Variants in ANTXR1 observed in about 807,000 individuals in gnomAD.
ANTXR1 encodes the protein ANTXR cell adhesion molecule 1.
A neutral mutation model predicts 78.1 loss-of-function variants in ANTXR1; 19 were observed. That is an observed-to-expected ratio of 0.24 (90% CI 0.17 to 0.36). The LOEUF is 0.36. ANTXR1 is among the 10% of genes least tolerant of loss of function. The pLI, the probability that ANTXR1 is intolerant of heterozygous loss-of-function variation, is 1.00. For synonymous variants in ANTXR1, 273 were observed against 260.5 expected, an observed-to-expected ratio of 1.05 and a Z score of -0.46; for missense variants, 518 against 718.6, an observed-to-expected ratio of 0.72 and a Z score of 3.19.
intron 3 of ANTXR1, among the ~76,000 whole-genome samples, chr2:69,055,581 C>G (rs929881309): frequency 5.3e-5 from 8 of 152,116 alleles, no homozygotes; most frequent in African/African-American, 1.9e-4. Context: ...AATTGTACCC[C>G]CTGAGGCCTC....
chr2:69,218,554 G>C (rs190682820), intron 17 of ANTXR1, among the ~76,000 whole-genome samples: 3 of 152,186 alleles, frequency 2.0e-5, no homozygotes, highest in Admixed American at 2.0e-4. Context: ...TAGGTTAAGA[G>C]CAGAGAGCTG....
chr2:69,221,446 G>A lies in ANTXR1; in HGVS notation c.1435-23779G>A, dbSNP rs534993372. Among the ~76,000 whole-genome samples, 4 of 152,228 alleles carry A rather than the reference G, an allele frequency of 2.6e-5. No homozygotes were observed. The East Asian group carries it at 7.7e-4, about 29-fold the overall frequency. Reference sequence around the variant, plus strand: ...AGCTTTCATTTGAGTGAGAGTAAAAGGGGATCTAAGAATAAAGTAAAAATA... The same window carrying A: ...AGCTTTCATTTGAGTGAGAGTAAAAAGGGATCTAAGAATAAAGTAAAAATA... On this transcript the variant is annotated intron_variant, in intron 17 of 17. Transcript: ENST00000303714.
At chr2:69,120,683 A>G (rs562801042) in intron 10 of ANTXR1, among the ~76,000 whole-genome samples, 1 of 152,166 alleles carries the variant, frequency 6.6e-6, no homozygotes, top group South Asian at 2.1e-4. Flanking sequence ...AGATAATAAT[A>G]ATAATAATAA....
At chr2:69,020,978 T>A (rs917578688) in intron 1 of ANTXR1, among the ~76,000 whole-genome samples, 4 of 152,198 alleles carry the variant, frequency 2.6e-5, no homozygotes, top group African/African-American at 4.8e-5. Flanking sequence ...TCCCAGGCTG[T>A]CAGGTTTTTA....
chr2:69,135,506 A>G (rs879544884), intron 12 of ANTXR1, among the ~76,000 whole-genome samples: 2 of 152,174 alleles, frequency 1.3e-5, no homozygotes, highest in African/African-American at 2.4e-5. Flanking sequence ...CATATATTCA[A>G]TAAAACATAA....
intron 1 of ANTXR1, among the ~76,000 whole-genome samples, chr2:69,023,428 A>G (rs1426593495): frequency 1.3e-5 from 2 of 150,960 alleles, no homozygotes; most frequent in Non-Finnish European, 3.0e-5. Context: ...TGATAGTGAT[A>G]GTGATGATGA....
chr2:69,184,212 A>G (rs1674364206), intron 16 of ANTXR1, among the ~76,000 whole-genome samples: 1 of 152,200 alleles, frequency 6.6e-6, no homozygotes, highest in South Asian at 2.1e-4. Context: ...GCGAAACGTT[A>G]TTGGTGGTTA....
At chr2:69,145,588 A>G in intron 12 of ANTXR1, 7 of 1,363,038 alleles carry the variant, frequency 5.1e-6, no homozygotes, top group South Asian at 1.9e-5. Context: ...TCAAGACCTT[A>G]CTGGAGGCAC....
At chr2:69,020,870 A>G (rs1558729881) in intron 1 of ANTXR1, among the ~76,000 whole-genome samples, 1 of 152,230 alleles carries the variant, frequency 6.6e-6, no homozygotes, top group Non-Finnish European at 1.5e-5. Flanking sequence ...TTTTGATCAC[A>G]AGTGTGTACT....
chr2:69,051,287 A>AG (rs1669927137), intron 3 of ANTXR1, among the ~76,000 whole-genome samples: 1 of 152,210 alleles, frequency 6.6e-6, no homozygotes, highest in Non-Finnish European at 1.5e-5. Flanking sequence ...CAAAAAAAAA[A>AG]AAGATTATTC....
At chr2:69,131,653 A>T (rs1048800352) in intron 12 of ANTXR1, among the ~76,000 whole-genome samples, 57 of 152,306 alleles carry the variant, frequency 3.7e-4, no homozygotes, top group African/African-American at 1.3e-3. Flanking sequence ...CTCATTACTC[A>T]GCAAATAATG....
At chr2:69,026,461 A>C (rs567697573) in intron 1 of ANTXR1, among the ~76,000 whole-genome samples, 1 of 152,388 alleles carries the variant, frequency 6.6e-6, no homozygotes, top group East Asian at 1.9e-4. Flanking sequence ...CAATGAATGT[A>C]AAGTGCCCAG....
At chr2:69,090,737 C>G (rs1266278415) in intron 8 of ANTXR1, 122 bp from the exon 9 acceptor site, 2 of 888,156 alleles carry the variant, frequency 2.3e-6, no homozygotes, top group Non-Finnish European at 1.8e-6. Flanking sequence ...CCTCGCACCC[C>G]CACCGCAACC....
intron 9 of ANTXR1, among the ~76,000 whole-genome samples, chr2:69,091,194 C>T (rs1244785388): frequency 2.0e-5 from 3 of 151,548 alleles, no homozygotes; most frequent in African/African-American, 7.3e-5. Context: ...AATCCAAGCA[C>T]TTTGGGAGGC....
At chr2:69,031,995 C>T (rs1433438898) in intron 1 of ANTXR1, among the ~76,000 whole-genome samples, 1 of 151,446 alleles carries the variant, frequency 6.6e-6, no homozygotes, top group Non-Finnish European at 1.5e-5. Flanking sequence ...AAAATATTAC[C>T]CCCATTATGT....
intron 12 of ANTXR1, among the ~76,000 whole-genome samples, chr2:69,125,301 T>C (rs1312493394): frequency 6.6e-6 from 1 of 152,224 alleles, no homozygotes; most frequent in Non-Finnish European, 1.5e-5. Flanking sequence ...TTTTCATTCC[T>C]GGCTATATAT....
intron 1 of ANTXR1, among the ~76,000 whole-genome samples, chr2:69,024,757 CTTGTCA>C (rs1671294012): frequency 6.6e-6 from 1 of 152,144 alleles, no homozygotes; most frequent in Non-Finnish European, 1.5e-5. Flanking sequence ...TGTACTCTAC[CTTGTCA>C]TTGTCTTAGC....
intron 14 of ANTXR1, among the ~76,000 whole-genome samples, chr2:69,176,094 T>TAC (rs149847661): frequency 2.2e-3 from 317 of 145,662 alleles, no homozygotes; most frequent in Middle Eastern, 7.1e-3. Context: ...CACACACACA[T>TAC]ACACACACAC....
intron 17 of ANTXR1, among the ~76,000 whole-genome samples, chr2:69,237,319 A>G (rs1377630074): frequency 6.6e-6 from 1 of 152,248 alleles, no homozygotes; most frequent in African/African-American, 2.4e-5. Context: ...AAGGCAGGCT[A>G]TTATGAGATT....
Sources: gnomAD v4.1 joint callset for allele counts (sites outside exome capture counted in the v4.1 genomes callset) on GRCh38, gnomAD v4.1.1 for gene constraint, MANE v1.5 for transcripts, NCBI Gene and HGNC (gene_info 2026-07-23, HGNC 2026-07-21) for gene names.